Variants in NCALD observed in about 807,000 individuals in gnomAD.
NCALD encodes the protein neurocalcin-delta.
NCALD carries 10 observed loss-of-function variants against 18.6 expected under a neutral mutation model. The observed-to-expected ratio is 0.54, with a 90% CI of 0.33 to 0.91. The LOEUF is 0.91. NCALD is among the 40% of genes least tolerant of loss of function. NCALD has a pLI of 0.03. For missense variants in NCALD, 184 were observed against 247.6 expected (o/e 0.74, Z 1.72); for synonymous variants, 88 against 87.4 (o/e 1.01, Z -0.04).
intron 4 of NCALD, among the ~76,000 whole-genome samples, chr8:101,859,458 T>C (rs1451201055): frequency 2.0e-5 from 3 of 152,152 alleles, no homozygotes; most frequent in African/African-American, 7.2e-5. Context: ...CATATATCCT[T>C]TTAGTTCTGT....
intron 1 of NCALD, among the ~76,000 whole-genome samples, chr8:102,102,144 T>C (rs1164910023): frequency 2.0e-5 from 3 of 152,238 alleles, no homozygotes; most frequent in Non-Finnish European, 2.9e-5. Context: ...CATTGATTGC[T>C]AGGCAATAAT....
At chr8:101,785,657 C>T (rs180904017) in intron 1 of NCALD, among the ~76,000 whole-genome samples, 10 of 152,170 alleles carry the variant, frequency 6.6e-5, no homozygotes, top group Middle Eastern at 3.4e-3. Flanking sequence ...ACAGGGAAGA[C>T]GGGAGAGATA....
chr8:101,832,357 T>C (rs990246451), intron 4 of NCALD, among the ~76,000 whole-genome samples: 1 of 152,198 alleles, frequency 6.6e-6, no homozygotes, highest in Non-Finnish European at 1.5e-5. Context: ...ACCCACACAC[T>C]GGACGGAGCA....
chr8:101,759,637 G>A lies in NCALD; in HGVS notation c.-20+31225C>T, dbSNP rs79094268. 7.9e-3 allele frequency among the ~76,000 whole-genome samples: 1,208 copies of A among 152,188 alleles called. 9 individuals carry two copies. Among genetic ancestry groups the A allele is most frequent in the Middle Eastern group, 0.037 (11 of 294 alleles). On this transcript the variant is annotated intron_variant, in intron 1 of 3. Transcript: ENST00000220931. ...TTCTGCCACACAATAAGGAGTCCTG[G>A]GGGCCAAGGAACAGGGAACTGCATT...
At chr8:101,700,449 T>C (rs1450396237) in intron 2 of NCALD, among the ~76,000 whole-genome samples, 1 of 152,152 alleles carries the variant, frequency 6.6e-6, no homozygotes, top group East Asian at 1.9e-4. Context: ...ATGATCCCCA[T>C]TTAGATGGGT....
chr8:101,788,231 C>T (rs28376593), intron 1 of NCALD, among the ~76,000 whole-genome samples: 4,263 of 152,272 alleles, frequency 0.028, 203 homozygotes, highest in African/African-American at 0.097. Flanking sequence ...TTTGGCATCA[C>T]TAACGTACAT....
At chr8:101,701,072 G>C (rs963688718) in intron 2 of NCALD, among the ~76,000 whole-genome samples, 1 of 152,168 alleles carries the variant, frequency 6.6e-6, no homozygotes, top group Non-Finnish European at 1.5e-5. Context: ...AGAGAGTCGA[G>C]GTGACGAGTC....
At chr8:101,872,584 G>C in intron 4 of NCALD, 1 of 563,128 alleles carries the variant, frequency 1.8e-6, no homozygotes, top group South Asian at 2.1e-5. Context: ...TCGTGCTGGG[G>C]AATTCAGATT....
intron 2 of NCALD, among the ~76,000 whole-genome samples, chr8:101,945,789 C>A (rs558126537): frequency 6.6e-6 from 1 of 152,306 alleles, no homozygotes; most frequent in South Asian, 2.1e-4. Flanking sequence ...TCCTAAGCTT[C>A]TAGAGAACCT....
intron 1 of NCALD, among the ~76,000 whole-genome samples, chr8:101,781,839 T>A (rs1460682674): frequency 1.3e-5 from 2 of 152,004 alleles, no homozygotes; most frequent in Non-Finnish European, 2.9e-5. Context: ...TTTTTGCATG[T>A]ATAATTTATA....
intron 1 of NCALD, among the ~76,000 whole-genome samples, chr8:101,765,108 T>TTAGGAACA (rs1442765419): frequency 1.3e-5 from 2 of 152,148 alleles, no homozygotes; most frequent in Non-Finnish European, 2.9e-5. Flanking sequence ...GCCCCAACCT[T>TTAGGAACA]TAGGAACAAG....
chr8:101,866,054 T>A (rs1815758129), intron 4 of NCALD, among the ~76,000 whole-genome samples: 1 of 152,064 alleles, frequency 6.6e-6, no homozygotes, highest in South Asian at 2.1e-4. Context: ...CAGGCTAGAG[T>A]TGTTGAAGGA....
chr8:102,115,393 T>A (rs16869130), intron 1 of NCALD, among the ~76,000 whole-genome samples: 11,456 of 152,196 alleles, frequency 0.075, 528 homozygotes, highest in Non-Finnish European at 0.093. Context: ...AGAGAGAAAC[T>A]GACCTTAATT....
At chr8:101,947,327 G>C (rs1020359965) in intron 2 of NCALD, among the ~76,000 whole-genome samples, 4 of 152,196 alleles carry the variant, frequency 2.6e-5, no homozygotes, top group African/African-American at 9.7e-5. Flanking sequence ...AGCTTTGGCA[G>C]AAAAATGCCT....
chr8:101,944,244 C>A (rs1191643883), intron 2 of NCALD, among the ~76,000 whole-genome samples: 1 of 152,174 alleles, frequency 6.6e-6, no homozygotes, highest in Non-Finnish European at 1.5e-5. Context: ...TGCTTTGTAG[C>A]TAACTGGACC....
chr8:101,831,255 G>A (rs957763609), intron 4 of NCALD, among the ~76,000 whole-genome samples: 2 of 152,180 alleles, frequency 1.3e-5, no homozygotes, highest in East Asian at 3.9e-4. Context: ...CTGGGCTAAT[G>A]AGAGGGAAAT....
At chr8:102,090,126 A>G (rs1233042839) in intron 1 of NCALD, among the ~76,000 whole-genome samples, 1 of 152,232 alleles carries the variant, frequency 6.6e-6, no homozygotes, top group African/African-American at 2.4e-5. Context: ...ATTGTGAAAT[A>G]TGAAATAGTG....
intron 2 of NCALD, among the ~76,000 whole-genome samples, chr8:102,018,962 A>G (rs1462154086): frequency 6.6e-6 from 1 of 152,188 alleles, no homozygotes; most frequent in Non-Finnish European, 1.5e-5. Flanking sequence ...GTAAAAAGGT[A>G]AACCACAGAA....
At chr8:101,873,109 G>T (rs1211523923) in intron 4 of NCALD, among the ~76,000 whole-genome samples, 1 of 152,074 alleles carries the variant, frequency 6.6e-6, no homozygotes, top group African/African-American at 2.4e-5. Flanking sequence ...GTGTTCCTTT[G>T]CCATTGACTT....
Sources: allele counts gnomAD v4.1 joint callset (sites outside exome capture counted in the v4.1 genomes callset), GRCh38; gene constraint gnomAD v4.1.1; transcripts MANE v1.5; gene names NCBI Gene and HGNC (gene_info 2026-07-23, HGNC 2026-07-21).